Variants in PSG11 observed in about 807,000 individuals in gnomAD.
PSG11 encodes pregnancy-specific beta-1-glycoprotein 11.
In PSG11, 42 loss-of-function variants were observed where a neutral mutation model predicts 36.0. The ratio of observed to expected loss-of-function variants is 1.17; its 90% CI spans 0.91 to 1.51. PSG11 has a LOEUF of 1.51. Among genes scored for constraint, PSG11 ranks in the 40% most tolerant of loss-of-function variants. The probability of loss-of-function intolerance (pLI) is 0.00; values close to 1 mark genes in which losing one functional copy is unlikely to be tolerated. For synonymous variants in PSG11, 206 were observed against 153.5 expected, an observed-to-expected ratio of 1.34 and a Z score of -2.53; for missense variants, 558 against 403.5, an observed-to-expected ratio of 1.38 and a Z score of -3.28.
At chr19:43,018,298 A>T in intron 3 of PSG11, 1 of 229,450 alleles carries the variant, frequency 4.4e-6, no homozygotes, top group Non-Finnish European at 8.7e-6. Context: ...TCTATGAGAC[A>T]GGAGAGCTTG....
rs182782035 is a variant in PSG11 at position 43,024,640 on chromosome 19, T to C, written c.430+51A>G. 150 of 1,609,346 alleles carry C rather than the reference T, an allele frequency of 9.3e-5. 2 individuals carry two copies. The highest frequency in any genetic ancestry group is 6.5e-4 in the South Asian group (59 of 90,254). On this transcript the variant is annotated intron_variant, in intron 2 of 5. Transcript: ENST00000320078. ...GCCTGACAATCCTGTGTGTGTGATG[T>C]AGAAGTGACCCCTGTCCCCCAACAC... is the stretch of plus-strand genomic sequence containing the variant.
Position 43,024,845 on chromosome 19 carries a change from T to C in PSG11, c.276A>G (p.Gly92=), listed in dbSNP as rs756863590. 2.7e-5 allele frequency: 43 copies of C among 1,611,694 alleles called. No homozygotes were observed. Among genetic ancestry groups the C allele is most frequent in the African/African-American group, 2.0e-4 (15 of 74,236 alleles). ...YVVDGQIIIY[G]PAYSGRETVY... ...CTGTTTCTCGTCCACTGTATGCCGG[T>C]CCATATATAATTATTTGACCGTCTA... The change falls in exon 2 of 6, where the codon GGA becomes GGG. Residue 92 remains glycine (G), a synonymous_variant. Transcript: ENST00000320078.
rs535417034 is a variant in PSG11, at chr19:43,017,762, A to T, written c.709+1008T>A. Reference sequence around the variant, plus strand: ...TGAAAATGAAGTGTCTTTCCATATAATGATATTGTCTTTAATTTCTTTCAG... The same window carrying T: ...TGAAAATGAAGTGTCTTTCCATATATTGATATTGTCTTTAATTTCTTTCAG... On this transcript the variant is annotated intron_variant, in intron 3 of 5. Transcript: ENST00000320078. 2.0e-3 allele frequency among the ~76,000 whole-genome samples: 303 copies of T among 151,552 alleles called. 16 individuals are homozygous for T. Among genetic ancestry groups the T allele is most frequent in the African/African-American group, 7.1e-3 (293 of 41,186 alleles).
chr19:43,020,035 G>C lies in PSG11; in HGVS notation c.431-987C>G, dbSNP rs557010078. Among the ~76,000 whole-genome samples the C allele has an allele frequency of 2.9e-4, 44 of 151,372 alleles. 2 individuals are homozygous for C. The highest frequency in any genetic ancestry group is 2.1e-3 in the South Asian group (10 of 4,762). On this transcript the variant is annotated intron_variant, in intron 2 of 5. Transcript: ENST00000320078. ...CTGAGTTTGACTACTCTATGTACCT[G>C]ATATCAGTGGATTCCAGAGTGAATC...
intron 4 of PSG11, among the ~76,000 whole-genome samples, chr19:43,011,750 G>T (rs56872117): frequency 0.18 from 27,204 of 150,222 alleles, 3,309 homozygotes; most frequent in East Asian, 0.53. Flanking sequence ...AACTAGCTGC[G>T]CATGGTGACA....
chr19:43,018,601 T>A (rs1967023821), intron 3 of PSG11, 169 bp downstream of exon 3: 1 of 1,479,066 alleles, frequency 6.8e-7, no homozygotes, highest in African/African-American at 1.4e-5. Flanking sequence ...CCACTGTGGA[T>A]CAAGCCTAGG....
chr19:43,024,352 C>G, intron 2 of PSG11: 2 of 394,078 alleles, frequency 5.1e-6, no homozygotes, highest in Non-Finnish European at 4.5e-6. Flanking sequence ...AGGGGCCCCT[C>G]AGGTCAAATT....
At chr19:43,016,661 A>T (rs1342184968) in intron 3 of PSG11, among the ~76,000 whole-genome samples, 1 of 151,458 alleles carries the variant, frequency 6.6e-6, no homozygotes, top group Non-Finnish European at 1.5e-5. Flanking sequence ...GTGTTTCATG[A>T]TGACTTACTT....
At chr19:43,016,145 C>A in intron 3 of PSG11, 2 of 1,495,170 alleles carry the variant, frequency 1.3e-6, no homozygotes, top group Non-Finnish European at 1.8e-6. Flanking sequence ...CTCAGCCCAC[C>A]CGAGTCCTTG....
intron 2 of PSG11, among the ~76,000 whole-genome samples, chr19:43,023,257 T>C (rs35346729): frequency 0.54 from 79,821 of 148,086 alleles, 23,093 homozygotes; most frequent in East Asian, 0.99. Flanking sequence ...GATTCTGCAT[T>C]CAAGATCCAG....
rs1396783659 is a variant in PSG11 at position 43,008,024 on chromosome 19, A to T, written c.*59T>A. 2.5e-6 allele frequency: 1 copy of T among 396,024 alleles called. No homozygotes were observed. The highest frequency in any genetic ancestry group is 4.7e-6 in the Non-Finnish European group (1 of 213,526). The allele number at this position is 396,024 out of a possible 1,614,324, so 24.5% of individuals were successfully genotyped here. ...ACTTGTATTCAAGAGTCCTTTTCAT[A>T]GTCTTTTCCATAAATCTCCTTGAAG... is the stretch of plus-strand genomic sequence containing the variant. On this transcript the variant is annotated 3_prime_UTR_variant, in exon 6 of 6. Coordinates refer to ENST00000320078, the MANE Select transcript of PSG11 (RefSeq NM_002785.3).
intron 3 of PSG11, 190 bp downstream of exon 3, chr19:43,018,580 C>A (rs1244868373): frequency 2.2e-6 from 3 of 1,353,662 alleles, no homozygotes; most frequent in Admixed American, 4.1e-5. Context: ...ACAGGAGCAG[C>A]CTCTTTTCTC....
chr19:43,009,887 A>T, intron 5 of PSG11, 71 bp downstream of exon 5: 1 of 1,219,484 alleles, frequency 8.2e-7, no homozygotes, highest in Non-Finnish European at 1.2e-6. Flanking sequence ...ACAGGCAAAT[A>T]AGTCATTTCC....
intron 4 of PSG11, among the ~76,000 whole-genome samples, chr19:43,011,992 A>T (rs982469911): frequency 6.6e-6 from 1 of 151,382 alleles, no homozygotes; most frequent in Non-Finnish European, 1.5e-5. Context: ...ATTGTATGCC[A>T]ATAAATTGGA....
At chr19:43,018,641 C>A in intron 3 of PSG11, 129 bp downstream of exon 3, 1 of 1,589,616 alleles carries the variant, frequency 6.3e-7, no homozygotes, top group Non-Finnish European at 8.6e-7. Flanking sequence ...GGCAGAAAGT[C>A]ATGGCCAGCT....
chr19:43,008,918 A>T (rs573114729), intron 5 of PSG11, among the ~76,000 whole-genome samples: 1 of 151,288 alleles, frequency 6.6e-6, no homozygotes, highest in South Asian at 2.1e-4. Context: ...AAAAATTACC[A>T]ATGCCTGGGT....
chr19:43,014,579 T>C lies in PSG11; in HGVS notation c.964+537A>G, dbSNP rs1966910387. The C allele has an allele frequency of 3.0e-6, 3 of 1,008,880 alleles. No homozygotes were observed. The African/African-American group carries it at 5.2e-5, about 17-fold the overall frequency. 62.5% of individuals were successfully genotyped at this position (1,008,880 alleles called of 1,614,324 possible). On this transcript the variant is annotated intron_variant, in intron 4 of 5. Transcript: ENST00000320078. ...GCCACCAGGACTCTTTCTCCACACA[T>C]GCTGGTCCCACCCCAGGTTGAGTGA...
chr19:43,014,997 G>T, intron 4 of PSG11, 119 bp downstream of exon 4: 1 of 1,584,452 alleles, frequency 6.3e-7, no homozygotes, highest in South Asian at 1.2e-5. Context: ...GGAGAATTTG[G>T]GATTTGCCTG....
At chr19:43,008,374 G>T (rs1973982955) in intron 5 of PSG11, among the ~76,000 whole-genome samples, 1 of 151,194 alleles carries the variant, frequency 6.6e-6, no homozygotes, top group Non-Finnish European at 1.5e-5. Context: ...CCGGGTTCAT[G>T]CCATTCTTCT....
Sources: gnomAD v4.1 joint callset for allele counts (sites outside exome capture counted in the v4.1 genomes callset) on GRCh38, gnomAD v4.1.1 for gene constraint, MANE v1.5 for transcripts, NCBI Gene and HGNC (gene_info 2026-07-23, HGNC 2026-07-21) for gene names.